SMARCA2: variants seen among roughly 807,000 people sequenced by gnomAD.
The protein encoded by SMARCA2 is SWI/SNF related BAF chromatin remodeling complex subunit ATPase 2.
A neutral mutation model predicts 199.8 loss-of-function variants in SMARCA2; 61 were observed. That is an observed-to-expected ratio of 0.31 (90% CI 0.25 to 0.38). The LOEUF (loss-of-function observed/expected upper bound fraction) is 0.38, where lower values mean the gene tolerates loss of function less well. Ranked by LOEUF, SMARCA2 falls within the 10% of genes least tolerant of loss-of-function variation. SMARCA2 has a pLI of 1.00. For synonymous variants in SMARCA2, 935 were observed against 732.0 expected (o/e 1.28, Z -4.48); for missense variants, 1,344 against 2,012.2 (o/e 0.67, Z 6.35).
intron 32 of SMARCA2, 95 bp downstream of exon 32, chr9:2,186,323 C>G: frequency 7.6e-7 from 1 of 1,322,786 alleles, no homozygotes; most frequent in Non-Finnish European, 1.0e-6. Context: ...TAGAGTGGGG[C>G]AGATCTGGAT....
At chr9:2,156,592 C>T (rs879875950) in intron 27 of SMARCA2, among the ~76,000 whole-genome samples, 1 of 151,766 alleles carries the variant, frequency 6.6e-6, no homozygotes, top group Non-Finnish European at 1.5e-5. Flanking sequence ...CCACCATGCC[C>T]GGCTAATTTT....
rs1246500736 is a variant in SMARCA2 at position 2,047,311 on chromosome 9, C to CCCCGCAGCCGCGCAGCCG, written c.879_896dup (p.Gln296_Ala301dup). 3.9e-6 allele frequency: 4 copies of CCCCGCAGCCGCGCAGCCG among 1,018,648 alleles called. No homozygotes were observed. Among genetic ancestry groups the CCCCGCAGCCGCGCAGCCG allele is most frequent in the Non-Finnish European group, 3.5e-6 (3 of 847,402 alleles). 63.1% of individuals were successfully genotyped at this position (1,018,648 alleles called of 1,614,324 possible). The stretch of plus-strand genomic sequence containing the variant: ...CCGGCGGCCGGCCCTCGCCCGCGCC[C>CCCCGCAGCCGCGCAGCCG]CCCGCAGCCGCGCAGCCGCCCGCGG... On this transcript the variant is annotated inframe_insertion, in exon 5 of 34. Transcript: ENST00000349721.
At chr9:2,018,829 T>G (rs1328339881) in intron 1 of SMARCA2, among the ~76,000 whole-genome samples, 1 of 152,194 alleles carries the variant, frequency 6.6e-6, no homozygotes, top group Non-Finnish European at 1.5e-5. Flanking sequence ...AGTAGTATTT[T>G]CCATCTGTTA....
At chr9:2,047,666 G>C in intron 5 of SMARCA2, 182 bp downstream of exon 5, 1 of 640,202 alleles carries the variant, frequency 1.6e-6, no homozygotes, top group Non-Finnish European at 2.2e-6. Context: ...GGGTTTTGAA[G>C]ATCAAAAGCC....
At chr9:2,098,179 A>C (rs1822355188) in intron 21 of SMARCA2, among the ~76,000 whole-genome samples, 1 of 152,218 alleles carries the variant, frequency 6.6e-6, no homozygotes, top group African/African-American at 2.4e-5. Context: ...TGCTGAGGCA[A>C]ATGGTCCTGG....
At chr9:2,158,666 G>C (rs1825502936) in intron 27 of SMARCA2, 1 of 323,124 alleles carries the variant, frequency 3.1e-6, no homozygotes, top group East Asian at 4.8e-5. Context: ...TTTTTTGTGT[G>C]TGACCCCCCA....
intron 5 of SMARCA2, among the ~76,000 whole-genome samples, chr9:2,052,591 C>G (rs922323785): frequency 6.6e-6 from 1 of 152,146 alleles, no homozygotes; most frequent in African/African-American, 2.4e-5. Context: ...GCAAATAAAA[C>G]AAGAATCAGT....
intron 19 of SMARCA2, among the ~76,000 whole-genome samples, chr9:2,093,251 A>G (rs1425277925): frequency 6.6e-6 from 1 of 152,256 alleles, no homozygotes; most frequent in Non-Finnish European, 1.5e-5. Context: ...GTATGTACAC[A>G]TGGGTGTATG....
chr9:2,027,563 T>G (rs10964457), intron 1 of SMARCA2, among the ~76,000 whole-genome samples: 17,878 of 152,212 alleles, frequency 0.12, 1,185 homozygotes, highest in East Asian at 0.26. Context: ...ATATGCTGGT[T>G]GAGGTGCTGG....
rs150251771 is a variant in SMARCA2 at position 2,116,967 on chromosome 9, A to G, written c.3684+918A>G. Among the ~76,000 whole-genome samples the G allele has an allele frequency of 7.9e-5, 12 of 152,300 alleles. No homozygotes were observed. In the East Asian group the frequency reaches 2.3e-3, roughly 29 times the overall value. On this transcript the variant is annotated intron_variant, in intron 25 of 33. Transcript: ENST00000349721. ...CCTTAAATAGGATATGTGTTTTTGC[A>G]TTCTTCTATAAATTATGAACCTGAG...
At chr9:2,140,879 T>G (rs1265645040) in intron 27 of SMARCA2, among the ~76,000 whole-genome samples, 1 of 151,964 alleles carries the variant, frequency 6.6e-6, no homozygotes, top group African/African-American at 2.4e-5. Flanking sequence ...TGAGGACACC[T>G]TGCTGTACTG....
At chr9:2,109,574 T>C (rs564056800) in intron 23 of SMARCA2, among the ~76,000 whole-genome samples, 6 of 152,126 alleles carry the variant, frequency 3.9e-5, no homozygotes, top group Non-Finnish European at 8.8e-5. Context: ...TGATTTAGCA[T>C]GCTTTGAACT....
chr9:2,071,653 A>G (rs1376040705), intron 10 of SMARCA2, among the ~76,000 whole-genome samples: 1 of 152,146 alleles, frequency 6.6e-6, no homozygotes, highest in Non-Finnish European at 1.5e-5. Context: ...ATCTTGCTCT[A>G]TTTTGAAATA....
At chr9:2,142,239 A>T (rs558898106) in intron 27 of SMARCA2, among the ~76,000 whole-genome samples, 1 of 152,350 alleles carries the variant, frequency 6.6e-6, no homozygotes, top group East Asian at 1.9e-4. Context: ...ACAAAATGAC[A>T]TCAAATTTAA....
At chr9:2,034,436 A>G (rs1268864897) in intron 3 of SMARCA2, among the ~76,000 whole-genome samples, 1 of 152,182 alleles carries the variant, frequency 6.6e-6, no homozygotes, top group Non-Finnish European at 1.5e-5. Context: ...GGTGAAAACT[A>G]TTCACGTACC....
At chr9:2,071,958 C>G (rs549209314) in intron 10 of SMARCA2, 150 of 152,264 alleles carry the variant, frequency 9.9e-4, no homozygotes, top group African/African-American at 3.4e-3. Context: ...AAACGACAAT[C>G]TGGAGTAAGC....
rs1237190165 is a variant in SMARCA2, at chr9:2,193,079, A to C, written c.*340A>C. On this transcript the variant is annotated 3_prime_UTR_variant, in exon 34 of 34. Transcript: ENST00000349721. ...TTGTGCCTGGTTTTATCACCTGTTC[A>C]GATGAGAAGATTTTTGTCTTTTGTA... The C allele has an allele frequency of 4.6e-6, 1 of 217,116 alleles. No homozygotes were observed. The highest frequency in any genetic ancestry group is 5.7e-5 in the Admixed American group (1 of 17,482). The allele number at this position is 217,116 out of a possible 1,614,324, so 13.4% of individuals were successfully genotyped here.
rs544761350 is a variant in SMARCA2, at chr9:2,039,446, C to T, written c.356-20C>T. On this transcript the variant is annotated intron_variant, in intron 3 of 33. Transcript: ENST00000349721. This position sits in a 1 kb window ranked among gnomAD's most constrained non-coding sequence, Gnocchi z 4.8. ...GGTTGTCAGGGGCAGCCTGTGATTT[C>T]CTTTTGTGTTTTATTTTAGGTTATA... 87 of 1,601,758 alleles carry T rather than the reference C, an allele frequency of 5.4e-5. No individual in the cohort carries two copies. The South Asian group carries it at 8.8e-4, about 16-fold the overall frequency.
intron 9 of SMARCA2, among the ~76,000 whole-genome samples, chr9:2,065,413 C>T (rs762546559): frequency 2.6e-5 from 4 of 152,084 alleles, no homozygotes; most frequent in East Asian, 3.9e-4. Flanking sequence ...TTGGAGTGTT[C>T]GATTTTCTTT....
Sources: gnomAD v4.1 joint callset for allele counts (sites outside exome capture counted in the v4.1 genomes callset) on GRCh38, gnomAD v4.1.1 for gene constraint, Gnocchi (gnomAD v3.1) non-coding constraint, MANE v1.5 for transcripts, NCBI Gene and HGNC (gene_info 2026-07-23, HGNC 2026-07-21) for gene names.